The following LSMEM1 variants were observed in gnomAD, a reference collection of about 807,000 sequenced individuals.
LSMEM1 encodes the protein leucine rich single-pass membrane protein 1.
A neutral mutation model predicts 11.3 loss-of-function variants in LSMEM1; 10 were observed. The ratio of observed to expected loss-of-function variants is 0.89; its 90% CI spans 0.55 to 1.50. The LOEUF is 1.50. Among genes scored for constraint, LSMEM1 ranks in the 40% most tolerant of loss-of-function variants. The pLI is 0.00. For missense variants in LSMEM1, 151 were observed against 152.9 expected (o/e 0.99, Z 0.06); for synonymous variants, 65 against 59.3 (o/e 1.10, Z -0.44).
In LSMEM1 at chr7:112,482,431, C is replaced by T. The variant is rs144915595; in HGVS notation, c.-6+1085C>T. 2.3e-3 allele frequency among the ~76,000 whole-genome samples: 344 copies of T among 152,278 alleles called. 2 individuals carry two copies. Among genetic ancestry groups the T allele is most frequent in the African/African-American group, 8.0e-3 (333 of 41,546 alleles). On this transcript the variant is annotated intron_variant, in intron 1 of 3. Coordinates refer to ENST00000312849, the MANE Select transcript of LSMEM1 (RefSeq NM_182597.3). Reference sequence around the variant, plus strand: ...AAGCCTCAGTATGAAATTGAAGCAACAGCAGATACATTCCTGAAGGGGAAG... The same window carrying T: ...AAGCCTCAGTATGAAATTGAAGCAATAGCAGATACATTCCTGAAGGGGAAG...
At chr7:112,489,022 A>C (rs978421672) in intron 3 of LSMEM1, among the ~76,000 whole-genome samples, 2 of 152,250 alleles carry the variant, frequency 1.3e-5, no homozygotes, top group East Asian at 3.8e-4. Context: ...CTTGACATCA[A>C]AGACTATGTA....
At position 112,489,975 on chromosome 7, in the gene LSMEM1, C is replaced by T. The variant is rs1231192912; in HGVS notation, c.*26C>T. 1 of 1,604,294 alleles carries T rather than the reference C, an allele frequency of 6.2e-7. No individual in the cohort carries two copies. On this transcript the variant is annotated 3_prime_UTR_variant, in exon 4 of 4. Transcript: ENST00000312849. ...AGGAATGATTTTCTGAAAGCACCTG[C>T]TAACACCTTGAGCTTTTTACTTTCC... is the stretch of plus-strand genomic sequence containing the variant.
intron 2 of LSMEM1, among the ~76,000 whole-genome samples, chr7:112,485,483 T>C (rs2041068): frequency 6.6e-6 from 1 of 152,192 alleles, no homozygotes; most frequent in African/African-American, 2.4e-5. Flanking sequence ...ATCAGATCAC[T>C]CTGAGTGCCA....
intron 3 of LSMEM1, among the ~76,000 whole-genome samples, chr7:112,488,279 C>T (rs995760374): frequency 6.6e-6 from 1 of 152,180 alleles, no homozygotes; most frequent in Non-Finnish European, 1.5e-5. Flanking sequence ...ACTGAACCAG[C>T]AATGCCAGAA....
In LSMEM1 at chr7:112,489,744, G is replaced by C. The variant is rs979848281; in HGVS notation, c.257-66G>C. 1.4e-5 allele frequency: 22 copies of C among 1,540,808 alleles called. No individual in the cohort carries two copies. In the Admixed American group the frequency reaches 3.4e-4, roughly 24 times the overall value. On this transcript the variant is annotated intron_variant, in intron 3 of 3. Coordinates refer to ENST00000312849, the MANE Select transcript of LSMEM1 (RefSeq NM_182597.3). ...AGCATCAGCTGAGCACCAACATGGG[G>C]ATCTGATGAATTTCAGTGGAACACA...
chr7:112,482,685 T>C lies in LSMEM1; in HGVS notation c.-6+1339T>C, dbSNP rs549209272. Among the ~76,000 whole-genome samples, 4 of 152,314 alleles carry C rather than the reference T, an allele frequency of 2.6e-5. No individual in the cohort carries two copies. In the South Asian group the frequency reaches 8.3e-4, roughly 32 times the overall value. On this transcript the variant is annotated intron_variant, in intron 1 of 3. Transcript: ENST00000312849. ...ATCTGTGACTATGCATGAGTGAATA[T>C]TTTGGGGCCTTGGTTTTAACTGCAA...
At chr7:112,489,051 GTTCCA>G (rs1196595834) in intron 3 of LSMEM1, among the ~76,000 whole-genome samples, 1 of 152,194 alleles carries the variant, frequency 6.6e-6, no homozygotes, top group Non-Finnish European at 1.5e-5. Context: ...ACATCACTAT[GTTCCA>G]CTTTTATGAA....
rs966282651 is a variant in LSMEM1 at position 112,490,627 on chromosome 7, A to G, written c.*678A>G. 3 of 152,364 alleles carry G rather than the reference A, an allele frequency of 2.0e-5. No individual in the cohort carries two copies. The highest frequency in any genetic ancestry group is 3.4e-3 in the Middle Eastern group (1 of 294). The allele number at this position is 152,364 out of a possible 1,614,324, so 9.4% of individuals were successfully genotyped here. ...ATCACTCTACTCAAGAGGAGCTCAC[A>G]TAAGAGTGCAGGATAAAGAAAGGAG... On this transcript the variant is annotated 3_prime_UTR_variant, in exon 4 of 4. Coordinates refer to ENST00000312849, the MANE Select transcript of LSMEM1 (RefSeq NM_182597.3).
At chr7:112,482,618 G>A (rs1796052303) in intron 1 of LSMEM1, among the ~76,000 whole-genome samples, 1 of 151,978 alleles carries the variant, frequency 6.6e-6, no homozygotes, top group African/African-American at 2.4e-5. Context: ...TAGTATAAAT[G>A]GATGATAAAA....
rs1338281553 is a variant in LSMEM1, at chr7:112,490,703, A to G, written c.*754A>G. ...AACTTTGTGTATTTTGTTTCTCATG[A>G]AAAAACCCCTTTGGCACCCTGCTGA... On this transcript the variant is annotated 3_prime_UTR_variant, in exon 4 of 4. Transcript: ENST00000312849. The G allele has an allele frequency of 6.6e-6, 1 of 152,222 alleles. No homozygotes were observed. 9.4% of individuals were successfully genotyped at this position (152,222 alleles called of 1,614,324 possible).
At chr7:112,486,855 G>T in intron 2 of LSMEM1, 68 bp from the exon 3 acceptor site, 1 of 1,602,438 alleles carries the variant, frequency 6.2e-7, no homozygotes. Flanking sequence ...CTGGGGTACT[G>T]TTCAGTTCTG....
chr7:112,489,996 T>C lies in LSMEM1; in HGVS notation c.*47T>C, dbSNP rs1203122394. 6.3e-7 allele frequency: 1 copy of C among 1,585,884 alleles called. No homozygotes were observed. The highest frequency in any genetic ancestry group is 8.6e-7 in the Non-Finnish European group (1 of 1,168,046). ...CCTGCTAACACCTTGAGCTTTTTAC[T>C]TTCCTGGGAGTGTACAGGGTTAGGA... is the stretch of plus-strand genomic sequence containing the variant. On this transcript the variant is annotated 3_prime_UTR_variant, in exon 4 of 4. Transcript: ENST00000312849.
intron 2 of LSMEM1, 111 bp downstream of exon 2, chr7:112,485,054 A>C: frequency 7.8e-7 from 1 of 1,285,728 alleles, no homozygotes; most frequent in Non-Finnish European, 1.1e-6. Context: ...GGCATTAGGA[A>C]GAGGTTGGCA....
At chr7:112,480,613 G>T (rs1796013277), upstream of LSMEM1, among the ~76,000 whole-genome samples, 1 of 152,220 alleles carries the variant, frequency 6.6e-6, no homozygotes, top group Non-Finnish European at 1.5e-5. Context: ...ATGGAAGGCT[G>T]TTATTCCTGA....
chr7:112,485,821 G>A (rs1209307078), intron 2 of LSMEM1, among the ~76,000 whole-genome samples: 1 of 151,828 alleles, frequency 6.6e-6, no homozygotes, highest in African/African-American at 2.4e-5. Flanking sequence ...TAATCAAGTG[G>A]CACAGTGAGT....
Position 112,489,924 on chromosome 7 carries a change from A to G in LSMEM1, c.371A>G (p.Asn124Ser). The G allele has an allele frequency of 6.2e-7, 1 of 1,613,854 alleles. No individual in the cohort carries two copies. Among genetic ancestry groups the G allele is most frequent in the Non-Finnish European group, 8.5e-7 (1 of 1,179,912 alleles). The change falls in exon 4 of 4, where the codon AAC (asparagine) becomes AGC (serine). Residue 124 changes from asparagine (N) to serine (S), a missense_variant. Transcript: ENST00000312849. The stretch of plus-strand genomic sequence containing the variant: ...ATCGTAAAGCGACTCAACCAACTCA[A>G]CCAACTGGACTCTGAACAAAACTAA... ...NMIVKRLNQL[N>S]QLDSEQN
intron 3 of LSMEM1, among the ~76,000 whole-genome samples, chr7:112,488,748 C>T (rs556455422): frequency 3.9e-5 from 6 of 152,242 alleles, no homozygotes; most frequent in East Asian, 1.9e-4. Flanking sequence ...AGGTGTGAGC[C>T]GCCATGCCCA....
chr7:112,484,314 G>A (rs896541434), intron 1 of LSMEM1, among the ~76,000 whole-genome samples: 1 of 152,116 alleles, frequency 6.6e-6, no homozygotes, highest in Non-Finnish European at 1.5e-5. Flanking sequence ...CAATTAGAAT[G>A]GTTCATGGTA....
chr7:112,483,181 G>A (rs1482492532), intron 1 of LSMEM1, among the ~76,000 whole-genome samples: 2 of 139,328 alleles, frequency 1.4e-5, no homozygotes, highest in Non-Finnish European at 3.1e-5. Context: ...ACTCTATATT[G>A]CTCTTCATTC....
Sources: gnomAD v4.1 joint callset for allele counts (sites outside exome capture counted in the v4.1 genomes callset) on GRCh38, gnomAD v4.1.1 for gene constraint, MANE v1.5 for transcripts, NCBI Gene and HGNC (gene_info 2026-07-23, HGNC 2026-07-21) for gene names.